The following GLRA2 variants were observed in gnomAD, a reference collection of about 807,000 sequenced individuals.
The protein encoded by GLRA2 is glycine receptor subunit alpha-2.
GLRA2 carries 11 observed loss-of-function variants against 31.6 expected under a neutral mutation model. The observed-to-expected ratio is 0.35, with a 90% CI of 0.22 to 0.58. The LOEUF is 0.58. Ranked by LOEUF, GLRA2 falls within the 20% of genes least tolerant of loss-of-function variation. The pLI is 0.84. For synonymous variants in GLRA2, 132 were observed against 134.0 expected, an observed-to-expected ratio of 0.99 and a Z score of 0.10; for missense variants, 212 against 351.8, an observed-to-expected ratio of 0.60 and a Z score of 3.18.
At chrX:14,493,684 C>CAT in the GLRA2 span, among the ~76,000 whole-genome samples, 8 of 91,007 alleles carry the variant, frequency 8.8e-5, 1 homozygote, top group African/African-American at 3.1e-4. Context: ...CATGTGTATA[C>CAT]ATATACACGT....
chrX:14,692,030 G>T (rs2091369133), intron 8 of GLRA2, among the ~76,000 whole-genome samples: 2 of 111,888 alleles, frequency 1.8e-5, no homozygotes, highest in African/African-American at 6.5e-5. Context: ...AATATTTGTT[G>T]TGAGACATTG....
chrX:14,531,124 C>A, intron 1 of GLRA2: 1 of 934,534 alleles, frequency 1.1e-6, no homozygotes, highest in East Asian at 7.6e-5. Context: ...CTCACCACCA[C>A]CACCATCATA....
chrX:14,535,962 T>G (rs1344885038), intron 2 of GLRA2, among the ~76,000 whole-genome samples: 1 of 112,446 alleles, frequency 8.9e-6, no homozygotes, highest in Non-Finnish European at 1.9e-5. Context: ...AACTTAGCGT[T>G]ACATCCTAGT....
At chrX:14,633,635 C>T (rs182337558) in intron 7 of GLRA2, among the ~76,000 whole-genome samples, 5 of 111,460 alleles carry the variant, frequency 4.5e-5, no homozygotes, top group East Asian at 2.8e-4. Context: ...ATAAAATACC[C>T]GAGACTGGGT....
chrX:14,568,126 A>G (rs1569497564), intron 2 of GLRA2, among the ~76,000 whole-genome samples: 1 of 111,836 alleles, frequency 8.9e-6, no homozygotes, highest in Non-Finnish European at 1.9e-5. Context: ...GGAAAACTCA[A>G]TCCTCAACTT....
At chrX:14,594,891 G>A (rs187867888) in intron 4 of GLRA2, among the ~76,000 whole-genome samples, 2 of 104,434 alleles carry the variant, frequency 1.9e-5, no homozygotes, top group East Asian at 3.1e-4. Flanking sequence ...AATAGCTAAT[G>A]AGCCAAGCAG....
the GLRA2 span, among the ~76,000 whole-genome samples, chrX:14,472,606 C>G: frequency 2.7e-5 from 3 of 111,255 alleles, no homozygotes; most frequent in Non-Finnish European, 5.7e-5. Flanking sequence ...CATTCAGCTC[C>G]CACTAATACG....
intron 7 of GLRA2, among the ~76,000 whole-genome samples, chrX:14,620,153 GTAATC>G (rs772233534): frequency 9.1e-6 from 1 of 109,796 alleles, no homozygotes; most frequent in African/African-American, 3.3e-5. Flanking sequence ...TTCTTACAGA[GTAATC>G]TAATCAAAGA....
At chrX:14,517,782 G>A in the GLRA2 span, among the ~76,000 whole-genome samples, 1 of 110,538 alleles carries the variant, frequency 9.0e-6, no homozygotes. Context: ...AAACCATAAG[G>A]AAAAAGATGA....
chrX:14,685,494 G>T (rs1160328437), intron 7 of GLRA2, among the ~76,000 whole-genome samples: 2 of 111,450 alleles, frequency 1.8e-5, no homozygotes, highest in Admixed American at 9.5e-5. Context: ...CAATTTCAGA[G>T]CCTGTTATGG....
chrX:14,491,703 A>G, the GLRA2 span, among the ~76,000 whole-genome samples: 35 of 111,343 alleles, frequency 3.1e-4, no homozygotes, highest in Non-Finnish European at 4.0e-4. Context: ...CTTGAGTAGT[A>G]CTGTTCTAAT....
rs146814525 is a variant in GLRA2, at chrX:14,678,250, G to A, written c.931-12460G>A. Among the ~76,000 whole-genome samples the A allele has an allele frequency of 3.4e-3, 378 of 112,371 alleles. 1 individual carries two copies. Among genetic ancestry groups the A allele is most frequent in the African/African-American group, 0.011 (344 of 30,953 alleles). Reference sequence around the variant, plus strand: ...TAACTAGGGTAGACACATGCTGTGCGAGGCCTTGAATACCAGAGACTGCAA... The same window carrying A: ...TAACTAGGGTAGACACATGCTGTGCAAGGCCTTGAATACCAGAGACTGCAA... On this transcript the variant is annotated intron_variant, in intron 7 of 8. Transcript: ENST00000218075.
chrX:14,628,660 C>T (rs1338750634), intron 7 of GLRA2, among the ~76,000 whole-genome samples: 1 of 111,535 alleles, frequency 9.0e-6, no homozygotes, highest in Non-Finnish European at 1.9e-5. Flanking sequence ...ATAAAGGTGG[C>T]AGAGGACAAC....
intron 7 of GLRA2, among the ~76,000 whole-genome samples, chrX:14,623,777 C>G (rs150547540): frequency 9.0e-6 from 1 of 111,241 alleles, no homozygotes; most frequent in Non-Finnish European, 1.9e-5. Context: ...ATTTTTGCAT[C>G]GATGTTCATC....
At chrX:14,696,150 A>G (rs1287965763) in intron 8 of GLRA2, among the ~76,000 whole-genome samples, 2 of 105,527 alleles carry the variant, frequency 1.9e-5, no homozygotes, top group Non-Finnish European at 3.9e-5. Flanking sequence ...AGGAAGGAAG[A>G]AAGAAACCAA....
chrX:14,559,799 C>A (rs910974945), intron 2 of GLRA2, among the ~76,000 whole-genome samples: 20 of 110,676 alleles, frequency 1.8e-4, no homozygotes, highest in African/African-American at 6.3e-4. Flanking sequence ...GATCTCGACT[C>A]ACAGCAACCT....
At chrX:14,588,651 T>C (rs868658172) in intron 4 of GLRA2, among the ~76,000 whole-genome samples, 1 of 111,788 alleles carries the variant, frequency 8.9e-6, no homozygotes, top group Non-Finnish European at 1.9e-5. Context: ...AGGAATAGCA[T>C]TGAATCTGTA....
the GLRA2 span, among the ~76,000 whole-genome samples, chrX:14,520,394 A>G: frequency 1.8e-5 from 2 of 112,472 alleles, no homozygotes; most frequent in Non-Finnish European, 3.8e-5. Flanking sequence ...ATTACATTTT[A>G]TTTATTCTCC....
At chrX:14,715,928 G>A (rs567584925) in intron 8 of GLRA2, among the ~76,000 whole-genome samples, 8 of 111,732 alleles carry the variant, frequency 7.2e-5, no homozygotes, top group African/African-American at 2.3e-4. Context: ...CATAATCTGC[G>A]TAGCACAGTG....
Sources: gnomAD v4.1 joint callset for allele counts (sites outside exome capture counted in the v4.1 genomes callset) on GRCh38, gnomAD v4.1.1 for gene constraint, MANE v1.5 for transcripts, NCBI Gene and HGNC (gene_info 2026-07-23, HGNC 2026-07-21) for gene names.